The following CLYBL variants were observed in gnomAD, a reference collection of about 807,000 sequenced individuals.
The protein encoded by CLYBL is citramalyl-CoA lyase.
CLYBL carries 31 observed loss-of-function variants against 38.9 expected under a neutral mutation model. That is an observed-to-expected ratio of 0.80 (90% CI 0.60 to 1.08). The LOEUF is 1.08. Ranked by LOEUF, CLYBL falls within the 50% of genes least tolerant of loss-of-function variation. The pLI, the probability that CLYBL is intolerant of heterozygous loss-of-function variation, is 0.00. For missense variants in CLYBL, 434 were observed against 411.6 expected (o/e 1.05, Z -0.47); for synonymous variants, 171 against 158.6 (o/e 1.08, Z -0.59).
intron 2 of CLYBL, among the ~76,000 whole-genome samples, chr13:99,799,507 G>A (rs2050089315): frequency 6.6e-6 from 1 of 152,110 alleles, no homozygotes; most frequent in African/African-American, 2.4e-5. Flanking sequence ...TGCAGGACTT[G>A]CCAATTTTCA....
chr13:99,752,702 G>T (rs1245320889), intron 1 of CLYBL, among the ~76,000 whole-genome samples: 1 of 151,884 alleles, frequency 6.6e-6, no homozygotes, highest in Non-Finnish European at 1.5e-5. Context: ...TCCTTCACCG[G>T]CTCCCACCTT....
intron 1 of CLYBL, among the ~76,000 whole-genome samples, chr13:99,758,200 GT>G (rs1490008796): frequency 6.6e-6 from 1 of 152,190 alleles, no homozygotes; most frequent in Non-Finnish European, 1.5e-5. Context: ...TGAATCCCGG[GT>G]TGGGAACCCC....
At chr13:99,861,925 G>A (rs1194943162) in intron 3 of CLYBL, among the ~76,000 whole-genome samples, 2 of 152,140 alleles carry the variant, frequency 1.3e-5, no homozygotes, top group Non-Finnish European at 2.9e-5. Flanking sequence ...TAAGCCTTAA[G>A]CATTAGTTTT....
intron 1 of CLYBL, among the ~76,000 whole-genome samples, chr13:99,770,934 A>T (rs2049378012): frequency 6.8e-6 from 1 of 147,492 alleles, no homozygotes. Flanking sequence ...GTTGGCCAGG[A>T]TAGTCTCCAT....
chr13:99,868,957 A>T (rs1011039123), intron 6 of CLYBL, among the ~76,000 whole-genome samples: 1 of 152,196 alleles, frequency 6.6e-6, no homozygotes, highest in Non-Finnish European at 1.5e-5. Flanking sequence ...ATCAAGCGGT[A>T]CTGTAAAAAG....
chr13:99,841,538 T>C (rs910166327), intron 2 of CLYBL, among the ~76,000 whole-genome samples: 3 of 152,094 alleles, frequency 2.0e-5, no homozygotes, highest in Non-Finnish European at 2.9e-5. Context: ...TAGCTGGTAC[T>C]ACAGGCGCGT....
intron 8 of CLYBL, among the ~76,000 whole-genome samples, chr13:99,903,333 TCCC>T (rs2052661330): frequency 6.6e-6 from 1 of 151,842 alleles, no homozygotes; most frequent in Non-Finnish European, 1.5e-5. Flanking sequence ...TGGCTACTCC[TCCC>T]CCATCCCAGC....
intron 2 of CLYBL, among the ~76,000 whole-genome samples, chr13:99,841,658 C>T (rs2051081430): frequency 6.6e-6 from 1 of 152,164 alleles, no homozygotes. Context: ...CCTCAGGCTC[C>T]CAAAGTGCCG....
intron 2 of CLYBL, among the ~76,000 whole-genome samples, chr13:99,853,194 T>C (rs958276590): frequency 6.6e-6 from 1 of 152,078 alleles, no homozygotes; most frequent in Non-Finnish European, 1.5e-5. Flanking sequence ...TATTGTGTTT[T>C]AGTGTTGGAG....
At chr13:99,877,491 A>G in intron 7 of CLYBL, 1 of 307,674 alleles carries the variant, frequency 3.3e-6, no homozygotes, top group Non-Finnish European at 6.2e-6. Context: ...TCTTTCCTGT[A>G]GCTAATTACA....
intron 2 of CLYBL, among the ~76,000 whole-genome samples, chr13:99,847,521 G>A (rs1392682082): frequency 1.3e-5 from 2 of 152,168 alleles, no homozygotes; most frequent in African/African-American, 4.8e-5. Context: ...GGTTGGGGAA[G>A]GCAGCTACCT....
At chr13:99,626,330 A>G (rs2046868697) in intron 1 of CLYBL, among the ~76,000 whole-genome samples, 1 of 152,214 alleles carries the variant, frequency 6.6e-6, no homozygotes, top group Admixed American at 6.5e-5. Context: ...CATGACGTTG[A>G]GAGCGGGGGA....
intron 1 of CLYBL, among the ~76,000 whole-genome samples, chr13:99,702,479 A>C (rs1380182134): frequency 6.6e-6 from 1 of 151,962 alleles, no homozygotes; most frequent in Non-Finnish European, 1.5e-5. Context: ...AAAAAATACA[A>C]AAATTAGCCG....
intron 1 of CLYBL, among the ~76,000 whole-genome samples, chr13:99,684,351 T>C (rs2047786957): frequency 6.6e-6 from 1 of 151,036 alleles, no homozygotes. Context: ...AGTTTATTTT[T>C]GTATTTTTAG....
chr13:99,857,606 A>G (rs1042305367), intron 2 of CLYBL, among the ~76,000 whole-genome samples: 2 of 152,166 alleles, frequency 1.3e-5, no homozygotes, highest in African/African-American at 4.8e-5. Flanking sequence ...GTTTCCTCAC[A>G]TTGTTTAACT....
chr13:99,615,893 G>A (rs895891224), intron 1 of CLYBL, among the ~76,000 whole-genome samples: 2 of 152,166 alleles, frequency 1.3e-5, no homozygotes, highest in Admixed American at 6.5e-5. Context: ...GAGTGCAGTG[G>A]CACAATCTCA....
chr13:99,892,234 G>C (rs1172816620), intron 8 of CLYBL: 1 of 152,172 alleles, frequency 6.6e-6, no homozygotes, highest in Non-Finnish European at 1.5e-5. Context: ...AACTTGTAGC[G>C]TCTCAGAAGA....
At chr13:99,844,006 C>T (rs1450659619) in intron 2 of CLYBL, among the ~76,000 whole-genome samples, 1 of 152,326 alleles carries the variant, frequency 6.6e-6, no homozygotes, top group African/African-American at 2.4e-5. Context: ...TAAACAGATA[C>T]CCTGCCTGTG....
At chr13:99,890,094 A>G (rs1428204600) in intron 7 of CLYBL, among the ~76,000 whole-genome samples, 1 of 152,226 alleles carries the variant, frequency 6.6e-6, no homozygotes, top group African/African-American at 2.4e-5. Context: ...TTGGGTTCTG[A>G]GCATGCTGCT....
Sources: gnomAD v4.1 joint callset for allele counts (sites outside exome capture counted in the v4.1 genomes callset) on GRCh38, gnomAD v4.1.1 for gene constraint, MANE v1.5 for transcripts, NCBI Gene and HGNC (gene_info 2026-07-23, HGNC 2026-07-21) for gene names.